CPNE4: variants seen among roughly 807,000 people sequenced by gnomAD.
The protein encoded by CPNE4 is copine 4.
CPNE4 carries 25 observed loss-of-function variants against 67.9 expected under a neutral mutation model. The observed-to-expected ratio is 0.37, with a 90% CI of 0.27 to 0.51. The LOEUF (loss-of-function observed/expected upper bound fraction) is 0.51. Among genes scored for constraint, CPNE4 ranks in the 20% least tolerant of loss-of-function variants. The pLI is 0.93. For missense variants in CPNE4, 464 were observed against 690.8 expected (o/e 0.67, Z 3.68); for synonymous variants, 242 against 244.9 (o/e 0.99, Z 0.11).
chr3:131,689,816 A>C (rs942636939), intron 5 of CPNE4, among the ~76,000 whole-genome samples: 8 of 152,332 alleles, frequency 5.3e-5, no homozygotes, highest in Admixed American at 2.0e-4. Context: ...AGAAAACCCT[A>C]AAGACTATGG....
chr3:131,762,680 C>G (rs139398291), intron 2 of CPNE4, among the ~76,000 whole-genome samples: 1 of 152,158 alleles, frequency 6.6e-6, no homozygotes, highest in East Asian at 1.9e-4. Context: ...AATTCTATAA[C>G]TGCCCCTTGA....
intron 3 of CPNE4, among the ~76,000 whole-genome samples, chr3:131,722,618 C>T (rs992097373): frequency 2.6e-5 from 4 of 152,252 alleles, no homozygotes; most frequent in South Asian, 2.1e-4. Context: ...TTAAGGTCTA[C>T]GACCTTGTAT....
At chr3:131,919,838 A>T (rs2070692943) in intron 1 of CPNE4, among the ~76,000 whole-genome samples, 1 of 152,222 alleles carries the variant, frequency 6.6e-6, no homozygotes. Flanking sequence ...AAAGAAAACT[A>T]TAATAAGCAA....
intron 2 of CPNE4, among the ~76,000 whole-genome samples, chr3:131,769,540 T>A (rs1222323554): frequency 6.6e-6 from 1 of 152,126 alleles, no homozygotes; most frequent in Non-Finnish European, 1.5e-5. Context: ...ACCTGACACT[T>A]CAAGCCGCAG....
chr3:131,877,531 A>G (rs1255640725), intron 2 of CPNE4, among the ~76,000 whole-genome samples: 2 of 152,224 alleles, frequency 1.3e-5, no homozygotes, highest in Non-Finnish European at 2.9e-5. Flanking sequence ...GTTGATTGCT[A>G]TGAAGCCTAT....
chr3:131,819,017 T>C (rs1003855763), intron 2 of CPNE4, among the ~76,000 whole-genome samples: 4 of 152,122 alleles, frequency 2.6e-5, no homozygotes, highest in African/African-American at 9.7e-5. Flanking sequence ...GAAGAATCAC[T>C]TGAACCCAGG....
At chr3:131,609,751 T>C (rs72999283) in intron 7 of CPNE4, among the ~76,000 whole-genome samples, 20,414 of 152,180 alleles carry the variant, frequency 0.13, 1,957 homozygotes, top group African/African-American at 0.27. Flanking sequence ...TTTTCAAGAA[T>C]ATTTCATAAA....
At chr3:131,998,806 A>G (rs9878387) in intron 1 of CPNE4, among the ~76,000 whole-genome samples, 13,741 of 152,174 alleles carry the variant, frequency 0.09, 726 homozygotes, top group Non-Finnish European at 0.12. Flanking sequence ...AGTACCTACT[A>G]CATATTATGC....
chr3:131,998,593 A>G (rs1266009757), intron 1 of CPNE4, among the ~76,000 whole-genome samples: 1 of 152,154 alleles, frequency 6.6e-6, no homozygotes, highest in Non-Finnish European at 1.5e-5. Flanking sequence ...AAGACAGGAA[A>G]GAAAACATTT....
chr3:131,600,333 G>C (rs192973675), intron 7 of CPNE4, among the ~76,000 whole-genome samples: 35 of 152,186 alleles, frequency 2.3e-4, no homozygotes, highest in Admixed American at 2.0e-3. Flanking sequence ...ATAGGAGAAG[G>C]GTATGGCATG....
At chr3:131,700,698 G>C (rs1046580663) in intron 3 of CPNE4, among the ~76,000 whole-genome samples, 3 of 152,192 alleles carry the variant, frequency 2.0e-5, no homozygotes, top group African/African-American at 7.2e-5. Context: ...AGGGCTAAAA[G>C]GTCTAGAACT....
At chr3:131,927,331 A>C (rs1277855103) in intron 1 of CPNE4, among the ~76,000 whole-genome samples, 1 of 152,144 alleles carries the variant, frequency 6.6e-6, no homozygotes, top group African/African-American at 2.4e-5. Flanking sequence ...CTAATCTTTC[A>C]GTGGATCCCA....
chr3:131,835,484 G>A (rs976108960), intron 2 of CPNE4, among the ~76,000 whole-genome samples: 1 of 151,912 alleles, frequency 6.6e-6, no homozygotes, highest in Non-Finnish European at 1.5e-5. Context: ...AGCCAAGTTC[G>A]TGCCACTGCA....
intron 2 of CPNE4, among the ~76,000 whole-genome samples, chr3:131,841,444 C>T (rs1481538070): frequency 6.6e-6 from 1 of 152,212 alleles, no homozygotes; most frequent in Non-Finnish European, 1.5e-5. Flanking sequence ...AGGAGGTGAG[C>T]AGAGGGCAAG....
chr3:131,614,260 A>G (rs1480415799), intron 7 of CPNE4, among the ~76,000 whole-genome samples: 3 of 152,204 alleles, frequency 2.0e-5, no homozygotes, highest in Non-Finnish European at 4.4e-5. Flanking sequence ...GGCTGTTAGG[A>G]AACATACTAT....
chr3:131,853,047 C>A (rs2086298071), intron 2 of CPNE4, among the ~76,000 whole-genome samples: 3 of 151,622 alleles, frequency 2.0e-5, no homozygotes, highest in African/African-American at 7.3e-5. Flanking sequence ...AAAATACCAG[C>A]AGAATTTTCT....
chr3:131,630,836 G>A (rs2079202275), intron 7 of CPNE4, among the ~76,000 whole-genome samples: 1 of 152,228 alleles, frequency 6.6e-6, no homozygotes, highest in Admixed American at 6.5e-5. Context: ...ATGAAATATA[G>A]TAGATGTAGA....
chr3:131,712,187 G>A (rs1004935644), intron 3 of CPNE4, among the ~76,000 whole-genome samples: 9 of 152,118 alleles, frequency 5.9e-5, no homozygotes, highest in African/African-American at 1.9e-4. Context: ...TCAGCATGCG[G>A]GTCTTATTAT....
intron 1 of CPNE4, among the ~76,000 whole-genome samples, chr3:131,916,870 T>C (rs991366250): frequency 6.6e-5 from 10 of 152,180 alleles, no homozygotes; most frequent in Admixed American, 6.5e-4. Context: ...GTTTTCTTTG[T>C]TTTTTCTAAA....
Sources: allele counts gnomAD v4.1 joint callset (sites outside exome capture counted in the v4.1 genomes callset), GRCh38; gene constraint gnomAD v4.1.1; transcripts MANE v1.5; gene names NCBI Gene and HGNC (gene_info 2026-07-23, HGNC 2026-07-21).